RPS6KA2: variants seen among roughly 807,000 people sequenced by gnomAD.
RPS6KA2 encodes ribosomal protein S6 kinase alpha-2.
Under a neutral mutation model 91.8 loss-of-function variants are expected in RPS6KA2, and 42 were observed. The observed-to-expected ratio is 0.46, with a 90% CI of 0.36 to 0.59. The LOEUF (loss-of-function observed/expected upper bound fraction) is 0.59, where lower values mean the gene tolerates loss of function less well. Ranked by LOEUF, RPS6KA2 falls within the 20% of genes least tolerant of loss-of-function variation. RPS6KA2 has a pLI of 0.00. For missense variants in RPS6KA2, 798 were observed against 978.5 expected (o/e 0.82, Z 2.46); for synonymous variants, 414 against 393.6 (o/e 1.05, Z -0.61).
At chr6:166,604,761 AAAG>A (rs1785883205) in intron 1 of RPS6KA2, among the ~76,000 whole-genome samples, 1 of 152,240 alleles carries the variant, frequency 6.6e-6, no homozygotes, top group Non-Finnish European at 1.5e-5. Context: ...TAATGGAGGT[AAAG>A]AAGGAGAAGA....
chr6:166,491,801 T>C (rs938043715), intron 8 of RPS6KA2, among the ~76,000 whole-genome samples: 8 of 152,212 alleles, frequency 5.3e-5, no homozygotes, highest in African/African-American at 1.9e-4. Flanking sequence ...TAACATTTGT[T>C]AGTTCCTCCT....
rs71639661 is a variant in RPS6KA2, at chr6:166,767,774, A to AACACACACACACAC, written c.123+90412_123+90425dup. On this transcript the variant is annotated intron_variant, in intron 2 of 21. Transcript: ENST00000503859. This position sits in a 1 kb window ranked among gnomAD's most constrained non-coding sequence, Gnocchi z 4.6. ...AAGAACTAAAGACAATACCTCCTCA[A>AACACACACACACAC]ACACACACACACACACACACACACA... is the stretch of plus-strand genomic sequence containing the variant. Among the ~76,000 whole-genome samples, 2 of 146,854 alleles carry AACACACACACACAC rather than the reference A, an allele frequency of 1.4e-5. No homozygotes were observed. The highest frequency in any genetic ancestry group is 5.0e-5 in the African/African-American group (2 of 39,776).
At chr6:166,809,655 G>A (rs1351225108) in intron 2 of RPS6KA2, among the ~76,000 whole-genome samples, 1 of 152,234 alleles carries the variant, frequency 6.6e-6, no homozygotes, top group Non-Finnish European at 1.5e-5. Flanking sequence ...TCACACAAGT[G>A]TCAGACTGAC....
chr6:166,634,254 G>A (rs1324333098), intron 2 of RPS6KA2, among the ~76,000 whole-genome samples: 3 of 152,180 alleles, frequency 2.0e-5, no homozygotes, highest in Non-Finnish European at 2.9e-5. Flanking sequence ...AGAGCAAACC[G>A]CAGTGGCCAC....
chr6:166,734,736 T>A (rs1790628137), intron 2 of RPS6KA2, among the ~76,000 whole-genome samples: 2 of 152,228 alleles, frequency 1.3e-5, no homozygotes, highest in African/African-American at 4.8e-5. Flanking sequence ...GAGGCTGGCA[T>A]ACCTAAGACC....
intron 10 of RPS6KA2, 40 bp downstream of exon 10, chr6:166,488,793 C>CA (rs778291055): frequency 6.6e-7 from 1 of 1,521,288 alleles, no homozygotes; most frequent in East Asian, 2.3e-5. Context: ...GGGGCAGCGC[C>CA]CTGCACGTTC....
At chr6:166,858,277 TG>T in intron 1 of RPS6KA2, 1 of 1,462,906 alleles carries the variant, frequency 6.8e-7, no homozygotes, top group Admixed American at 1.8e-5. Flanking sequence ...CAAAGATAGA[TG>T]TTAAAGATGG....
At chr6:166,588,463 T>C (rs1013256471) in intron 1 of RPS6KA2, among the ~76,000 whole-genome samples, 1 of 152,090 alleles carries the variant, frequency 6.6e-6, no homozygotes, top group East Asian at 1.9e-4. Flanking sequence ...GGGACTCCTC[T>C]TGGGCACACG....
chr6:166,670,643 T>C (rs900147772), intron 2 of RPS6KA2, among the ~76,000 whole-genome samples: 1 of 152,178 alleles, frequency 6.6e-6, no homozygotes, highest in South Asian at 2.1e-4. Context: ...CCAGGTAAAG[T>C]GGGCTTTTGC....
chr6:166,466,897 C>T (rs540015227), intron 11 of RPS6KA2, among the ~76,000 whole-genome samples: 6 of 112,812 alleles, frequency 5.3e-5, no homozygotes, highest in Admixed American at 2.1e-4. Context: ...TTCACTCACT[C>T]CCTCATTCAC....
chr6:166,806,546 A>G (rs2182854), intron 2 of RPS6KA2, among the ~76,000 whole-genome samples: 20 of 152,334 alleles, frequency 1.3e-4, no homozygotes, highest in African/African-American at 4.3e-4. Context: ...GTACTTTAAA[A>G]CTGAAGAAGA....
chr6:166,647,969 T>A, intron 2 of RPS6KA2, among the ~76,000 whole-genome samples: 1 of 113,834 alleles, frequency 8.8e-6, no homozygotes, highest in African/African-American at 3.6e-5. Flanking sequence ...CTTACATACA[T>A]ACACACATGC....
At chr6:166,456,640 T>C (rs984170156) in intron 12 of RPS6KA2, among the ~76,000 whole-genome samples, 15 of 152,248 alleles carry the variant, frequency 9.9e-5, no homozygotes, top group African/African-American at 3.1e-4. Flanking sequence ...GGATCTAACA[T>C]AGAGGATTTG....
intron 1 of RPS6KA2, among the ~76,000 whole-genome samples, chr6:166,580,191 T>G (rs1378670275): frequency 6.6e-6 from 1 of 151,720 alleles, no homozygotes; most frequent in African/African-American, 2.4e-5. Context: ...CAGGACACAC[T>G]GTGAAAAGCT....
intron 1 of RPS6KA2, among the ~76,000 whole-genome samples, chr6:166,587,710 G>T (rs1218004013): frequency 2.0e-5 from 3 of 151,466 alleles, no homozygotes; most frequent in Non-Finnish European, 4.4e-5. Flanking sequence ...TATATAAGTG[G>T]ATTCAGAAGT....
chr6:166,725,748 C>A (rs115188672), intron 2 of RPS6KA2, among the ~76,000 whole-genome samples: 1 of 152,390 alleles, frequency 6.6e-6, no homozygotes, highest in Non-Finnish European at 1.5e-5. Flanking sequence ...GCTTGCACAG[C>A]TTCCTCGGGC....
At position 166,500,797 on chromosome 6, in the gene RPS6KA2, G is replaced by T; in HGVS notation, c.604+90C>A. 8.2e-7 allele frequency: 1 copy of T among 1,219,116 alleles called. No individual in the cohort carries two copies. The highest frequency in any genetic ancestry group is 1.2e-6 in the Non-Finnish European group (1 of 827,016). 75.5% of individuals were successfully genotyped at this position (1,219,116 alleles called of 1,614,324 possible). On this transcript the variant is annotated intron_variant, in intron 7 of 20. Transcript: ENST00000265678. This position sits in a 1 kb window ranked among gnomAD's most constrained non-coding sequence, Gnocchi z 4.3. ...AGCATCTGGCAAAGGGAAGGGCGGT[G>T]TAAATAAGAGGGCTTGGGCTTTGAG... is the stretch of plus-strand genomic sequence containing the variant.
Position 166,824,328 on chromosome 6 carries a change from C to T in RPS6KA2, c.123+33872G>A, listed in dbSNP as rs1042707692. ...CTGGTGCACCAGTGTACAGAGAAGC[C>T]GCCGTGTGGGGCGACTCTCCAGATA... is the stretch of plus-strand genomic sequence containing the variant. On this transcript the variant is annotated intron_variant, in intron 2 of 21. Transcript: ENST00000503859. Among the ~76,000 whole-genome samples, 12 of 152,174 alleles carry T rather than the reference C, an allele frequency of 7.9e-5. No homozygotes were observed. The South Asian group carries it at 8.3e-4, about 10-fold the overall frequency.
chr6:166,748,152 T>A (rs1791080707), intron 2 of RPS6KA2, among the ~76,000 whole-genome samples: 2 of 152,104 alleles, frequency 1.3e-5, no homozygotes, highest in Non-Finnish European at 2.9e-5. Flanking sequence ...TGCGAAGAGA[T>A]TACTTCTGAA....
Sources: allele counts gnomAD v4.1 joint callset (sites outside exome capture counted in the v4.1 genomes callset), GRCh38; gene constraint gnomAD v4.1.1; non-coding constraint Gnocchi (gnomAD v3.1); transcripts MANE v1.5; gene names NCBI Gene and HGNC (gene_info 2026-07-23, HGNC 2026-07-21).